GRIP1: variants seen among roughly 807,000 people sequenced by gnomAD.
GRIP1 encodes glutamate receptor-interacting protein 1.
A neutral mutation model predicts 129.9 loss-of-function variants in GRIP1; 45 were observed. That is an observed-to-expected ratio of 0.35 (90% CI 0.27 to 0.44). The LOEUF (loss-of-function observed/expected upper bound fraction) is 0.44, where lower values mean the gene tolerates loss of function less well. Among genes scored for constraint, GRIP1 ranks in the 20% least tolerant of loss-of-function variants. The pLI is 1.00. For synonymous variants in GRIP1, 530 were observed against 520.8 expected (o/e 1.02, Z -0.24); for missense variants, 1,196 against 1,396.8 (o/e 0.86, Z 2.29).
At chr12:66,911,591 G>A (rs1309699320) in intron 1 of GRIP1, among the ~76,000 whole-genome samples, 1 of 152,052 alleles carries the variant, frequency 6.6e-6, no homozygotes, top group Non-Finnish European at 1.5e-5. Flanking sequence ...GCTTTATTTG[G>A]GATAATTGTA....
chr12:67,034,965 A>G (rs1360728671), intron 1 of GRIP1, among the ~76,000 whole-genome samples: 3 of 152,232 alleles, frequency 2.0e-5, no homozygotes, highest in Admixed American at 6.5e-5. Flanking sequence ...TCTCAAAAAA[A>G]GCACAAATCC....
At chr12:66,718,538 T>C (rs2035961962) in intron 1 of GRIP1, among the ~76,000 whole-genome samples, 1 of 152,144 alleles carries the variant, frequency 6.6e-6, no homozygotes, top group Non-Finnish European at 1.5e-5. Flanking sequence ...GATTTCCTTC[T>C]TGCAGAAATG....
chr12:66,605,140 G>A (rs2064461472), intron 1 of GRIP1, among the ~76,000 whole-genome samples: 1 of 151,572 alleles, frequency 6.6e-6, no homozygotes, highest in African/African-American at 2.4e-5. Context: ...GTTTTCCTTA[G>A]ATAATTCAAG....
Position 66,347,827 on chromosome 12 carries a change from T to C in GRIP1, c.*1192A>G, listed in dbSNP as rs1213732579. 1.3e-5 allele frequency: 2 copies of C among 152,204 alleles called. No individual in the cohort carries two copies. Among genetic ancestry groups the C allele is most frequent in the East Asian group, 3.8e-4 (2 of 5,200 alleles). 9.4% of individuals were successfully genotyped at this position (152,204 alleles called of 1,614,324 possible). ...ACTTTGCCTAAGTGGTAGTTTGAATTATTGACCAAAATGAAAATGTTTGGA... is the reference window on the plus strand; with the variant it reads ...ACTTTGCCTAAGTGGTAGTTTGAATCATTGACCAAAATGAAAATGTTTGGA... On this transcript the variant is annotated 3_prime_UTR_variant, in exon 25 of 25. Transcript: ENST00000359742.
chr12:66,584,669 A>C (rs1388991526), intron 2 of GRIP1, among the ~76,000 whole-genome samples: 1 of 152,166 alleles, frequency 6.6e-6, no homozygotes, highest in Non-Finnish European at 1.5e-5. Flanking sequence ...CCTCAGCATT[A>C]GAAGGGTAAG....
intron 1 of GRIP1, among the ~76,000 whole-genome samples, chr12:66,899,674 T>C (rs1592939056): frequency 6.6e-6 from 1 of 152,166 alleles, no homozygotes; most frequent in South Asian, 2.1e-4. Context: ...CCATGTGAGA[T>C]TCTAACCTCA....
intron 2 of GRIP1, among the ~76,000 whole-genome samples, chr12:66,579,591 C>T (rs766841638): frequency 3.3e-5 from 5 of 152,048 alleles, no homozygotes; most frequent in Admixed American, 2.6e-4. Context: ...AGCCAAGGCT[C>T]GAGAACTACG....
At chr12:66,616,837 G>A (rs975281693) in intron 1 of GRIP1, among the ~76,000 whole-genome samples, 19 of 152,100 alleles carry the variant, frequency 1.2e-4, no homozygotes, top group African/African-American at 2.7e-4. Context: ...GAGATTCACA[G>A]TGACTGTGGC....
intron 1 of GRIP1, among the ~76,000 whole-genome samples, chr12:66,793,797 T>C (rs1012932033): frequency 6.6e-6 from 1 of 152,164 alleles, no homozygotes; most frequent in Admixed American, 6.5e-5. Context: ...GCTTAATGCA[T>C]ATTGGCTGAT....
rs574492947 is a variant in GRIP1 at position 66,372,581 on chromosome 12, A to G, written c.2779-654T>C. Among the ~76,000 whole-genome samples the G allele has an allele frequency of 3.9e-5, 6 of 152,362 alleles. No individual in the cohort carries two copies. In the East Asian group the frequency reaches 1.2e-3, roughly 29 times the overall value. On this transcript the variant is annotated intron_variant, in intron 22 of 24. Transcript: ENST00000359742. ...TTTGTATAAGATCCTCAGAGAAAGT[A>G]AAAATAATCATTTATTATGTTATTA...
At chr12:66,907,681 A>G (rs2040957017) in intron 1 of GRIP1, among the ~76,000 whole-genome samples, 1 of 152,204 alleles carries the variant, frequency 6.6e-6, no homozygotes, top group Non-Finnish European at 1.5e-5. Context: ...ATGCTGTACC[A>G]ATGAGATGAC....
chr12:66,971,802 A>C (rs1279322754), intron 1 of GRIP1, among the ~76,000 whole-genome samples: 1 of 152,200 alleles, frequency 6.6e-6, no homozygotes, highest in African/African-American at 2.4e-5. Context: ...GAAGTTAGAA[A>C]ATAAGTAGAA....
intron 1 of GRIP1, among the ~76,000 whole-genome samples, chr12:66,811,500 TTCAC>T (rs1158829657): frequency 2.6e-5 from 3 of 114,460 alleles, no homozygotes; most frequent in Admixed American, 9.6e-5. Flanking sequence ...ATTGTGAGAC[TTCAC>T]GGAATCTATT....
intron 1 of GRIP1, among the ~76,000 whole-genome samples, chr12:66,696,608 C>G (rs991535562): frequency 6.6e-6 from 1 of 151,604 alleles, no homozygotes; most frequent in African/African-American, 2.4e-5. Flanking sequence ...AACACAGACC[C>G]CGTCTCTACT....
intron 7 of GRIP1, among the ~76,000 whole-genome samples, chr12:66,501,879 A>T (rs1424001940): frequency 6.6e-6 from 1 of 152,174 alleles, no homozygotes; most frequent in Non-Finnish European, 1.5e-5. Context: ...TCACAGCAGC[A>T]TGTTGGCTTT....
chr12:66,827,387 T>TGTGTGTGTGAGAGAGAGAGAGAGAGAGA (rs755458052), intron 1 of GRIP1, among the ~76,000 whole-genome samples: 7 of 108,294 alleles, frequency 6.5e-5, no homozygotes, highest in East Asian at 3.6e-4. Context: ...TGTGTGTGTG[T>TGTGTGTGTGAGAGAGAGAGAGAGAGAGA]GAGAGAGAGA....
chr12:66,548,991 G>A (rs545466870), intron 2 of GRIP1, among the ~76,000 whole-genome samples: 22 of 152,216 alleles, frequency 1.4e-4, no homozygotes, highest in South Asian at 4.1e-4. Flanking sequence ...CAAAACAGGC[G>A]AAGCTCTTTA....
chr12:66,860,402 C>T (rs2040091176), intron 1 of GRIP1, among the ~76,000 whole-genome samples: 1 of 152,010 alleles, frequency 6.6e-6, no homozygotes, highest in Non-Finnish European at 1.5e-5. Flanking sequence ...TCTCTTAGCC[C>T]CTTTTTGAAA....
intron 1 of GRIP1, among the ~76,000 whole-genome samples, chr12:67,063,042 A>G (rs2043562045): frequency 6.6e-6 from 1 of 152,214 alleles, no homozygotes; most frequent in South Asian, 2.1e-4. Context: ...ACTATCATAC[A>G]TTCCTCCATA....
Sources: gnomAD v4.1 joint callset for allele counts (sites outside exome capture counted in the v4.1 genomes callset) on GRCh38, gnomAD v4.1.1 for gene constraint, MANE v1.5 for transcripts, NCBI Gene and HGNC (gene_info 2026-07-23, HGNC 2026-07-21) for gene names.